The following DAB1 variants were observed in gnomAD, a reference collection of about 807,000 sequenced individuals.
The protein encoded by DAB1 is disabled homolog 1.
A neutral mutation model predicts 64.6 loss-of-function variants in DAB1; 15 were observed. The ratio of observed to expected loss-of-function variants is 0.23; its 90% CI spans 0.16 to 0.36. DAB1 has a LOEUF of 0.36. DAB1 is among the 10% of genes least tolerant of loss of function. The pLI, the probability that DAB1 is intolerant of heterozygous loss-of-function variation, is 1.00. For synonymous variants in DAB1, 235 were observed against 251.9 expected, an observed-to-expected ratio of 0.93 and a Z score of 0.64; for missense variants, 596 against 706.7, an observed-to-expected ratio of 0.84 and a Z score of 1.78.
At chr1:57,311,522 C>CCACACACACACACA (rs3042913) in intron 1 of DAB1, among the ~76,000 whole-genome samples, 2,884 of 150,042 alleles carry the variant, frequency 0.019, 97 homozygotes, top group African/African-American at 0.068. Context: ...CTGCCAACCA[C>CCACACACACACACA]CACACACACA....
At chr1:58,140,715 A>G (rs1322839216) in intron 5 of DAB1, among the ~76,000 whole-genome samples, 1 of 152,236 alleles carries the variant, frequency 6.6e-6, no homozygotes, top group Admixed American at 6.5e-5. Context: ...AAGGTCTAGC[A>G]GAATTTCTGG....
At chr1:57,046,988 A>G (rs1176758224) in intron 9 of DAB1, among the ~76,000 whole-genome samples, 1 of 152,208 alleles carries the variant, frequency 6.6e-6, no homozygotes, top group African/African-American at 2.4e-5. Context: ...TGCCTAACAC[A>G]GCTGATATTT....
chr1:57,633,059 T>G (rs1464564306), intron 7 of DAB1, among the ~76,000 whole-genome samples: 1 of 152,230 alleles, frequency 6.6e-6, no homozygotes, highest in East Asian at 1.9e-4. Flanking sequence ...GTTTTACAGT[T>G]AAGAATATTG....
chr1:57,017,865 C>G (rs1646485862), intron 11 of DAB1, among the ~76,000 whole-genome samples: 2 of 151,994 alleles, frequency 1.3e-5, no homozygotes, highest in Non-Finnish European at 2.9e-5. Context: ...GTCTTGTTTT[C>G]TGGTTTACTT....
At chr1:58,455,051 T>C (rs1645180173) in intron 3 of DAB1, among the ~76,000 whole-genome samples, 1 of 152,218 alleles carries the variant, frequency 6.6e-6, no homozygotes, top group South Asian at 2.1e-4. Flanking sequence ...CCCTATCACC[T>C]TGCACAGTTC....
chr1:58,156,146 G>C (rs1292618977), intron 4 of DAB1, among the ~76,000 whole-genome samples: 1 of 152,126 alleles, frequency 6.6e-6, no homozygotes, highest in Non-Finnish European at 1.5e-5. Flanking sequence ...GATTTATTTA[G>C]TGCTATTTAT....
At chr1:58,133,974 T>C (rs1653794536) in intron 5 of DAB1, among the ~76,000 whole-genome samples, 1 of 152,226 alleles carries the variant, frequency 6.6e-6, no homozygotes, top group Admixed American at 6.5e-5. Flanking sequence ...TCAATGGTCT[T>C]CTCAGAACCT....
At chr1:57,464,813 A>C (rs1686902316) in intron 7 of DAB1, among the ~76,000 whole-genome samples, 1 of 152,080 alleles carries the variant, frequency 6.6e-6, no homozygotes, top group African/African-American at 2.4e-5. Flanking sequence ...TACTGCAGGG[A>C]ATTTCTCTTA....
intron 5 of DAB1, among the ~76,000 whole-genome samples, chr1:58,042,285 A>T (rs1306093284): frequency 6.6e-6 from 1 of 152,212 alleles, no homozygotes; most frequent in East Asian, 1.9e-4. Context: ...ATGGTACCAC[A>T]TTTTAATAAA....
chr1:58,003,516 T>C (rs893710428), intron 5 of DAB1, among the ~76,000 whole-genome samples: 6 of 152,194 alleles, frequency 3.9e-5, no homozygotes, highest in Admixed American at 2.0e-4. Flanking sequence ...AATGAGGAAA[T>C]TGTCATTAAC....
At chr1:57,468,019 C>T (rs1028287632) in intron 7 of DAB1, among the ~76,000 whole-genome samples, 5 of 152,172 alleles carry the variant, frequency 3.3e-5, no homozygotes, top group African/African-American at 1.2e-4. Flanking sequence ...CTGGGGCTGC[C>T]AGTCCCTGGC....
At chr1:57,278,689 G>C (rs1671660732) in intron 2 of DAB1, among the ~76,000 whole-genome samples, 1 of 152,168 alleles carries the variant, frequency 6.6e-6, no homozygotes, top group South Asian at 2.1e-4. Flanking sequence ...TCCAGGCTGA[G>C]AGGAGAGCTG....
chr1:57,103,122 C>G (rs189890621), intron 4 of DAB1, among the ~76,000 whole-genome samples: 58 of 152,152 alleles, frequency 3.8e-4, no homozygotes, highest in Non-Finnish European at 1.8e-4. Context: ...TGGGTGCTAA[C>G]AGCTGGAAGC....
intron 2 of DAB1, among the ~76,000 whole-genome samples, chr1:57,242,444 G>T (rs1421482566): frequency 6.6e-6 from 1 of 152,148 alleles, no homozygotes; most frequent in Non-Finnish European, 1.5e-5. Flanking sequence ...CACATGGGGT[G>T]CCTGCATTTC....
intron 2 of DAB1, among the ~76,000 whole-genome samples, chr1:57,254,566 T>C (rs1287877923): frequency 1.3e-5 from 2 of 152,200 alleles, no homozygotes; most frequent in Non-Finnish European, 2.9e-5. Context: ...TTCAGGATGA[T>C]ACACTAAGAA....
intron 2 of DAB1, among the ~76,000 whole-genome samples, chr1:57,233,793 C>G (rs1034855327): frequency 6.6e-6 from 1 of 151,862 alleles, no homozygotes; most frequent in African/African-American, 2.4e-5. Context: ...AACCTGCTGC[C>G]AGGTGAGTGG....
chr1:58,074,426 G>GTCT (rs1435061870), intron 5 of DAB1: 1 of 144,640 alleles, frequency 6.9e-6, no homozygotes, highest in Non-Finnish European at 1.5e-5. Flanking sequence ...AAGAATAATT[G>GTCT]TAAGTATCCA....
intron 7 of DAB1, among the ~76,000 whole-genome samples, chr1:57,601,747 C>T (rs1026777542): frequency 3.3e-5 from 5 of 152,178 alleles, no homozygotes; most frequent in Admixed American, 3.3e-4. Flanking sequence ...TTAATTATTA[C>T]AAGCTCTCCA....
At chr1:58,044,284 G>T (rs1647193495) in intron 5 of DAB1, among the ~76,000 whole-genome samples, 1 of 152,116 alleles carries the variant, frequency 6.6e-6, no homozygotes, top group African/African-American at 2.4e-5. Context: ...TTCCTCCAGG[G>T]CTTCTCTGTG....
Sources: gnomAD v4.1 joint callset for allele counts (sites outside exome capture counted in the v4.1 genomes callset) on GRCh38, gnomAD v4.1.1 for gene constraint, MANE v1.5 for transcripts, NCBI Gene and HGNC (gene_info 2026-07-23, HGNC 2026-07-21) for gene names.